The following PRR5L variants were observed in gnomAD, a reference collection of about 807,000 sequenced individuals.
PRR5L encodes the protein proline-rich protein 5-like.
Under a neutral mutation model 36.4 loss-of-function variants are expected in PRR5L, and 21 were observed. The observed-to-expected ratio is 0.58, with a 90% CI of 0.41 to 0.83. PRR5L has a LOEUF of 0.83. PRR5L is among the 40% of genes least tolerant of loss of function. The probability of loss-of-function intolerance (pLI) is 0.00; values close to 1 mark genes in which losing one functional copy is unlikely to be tolerated. For synonymous variants in PRR5L, 188 were observed against 197.0 expected (o/e 0.95, Z 0.38); for missense variants, 381 against 473.3 (o/e 0.80, Z 1.81).
intron 1 of PRR5L, among the ~76,000 whole-genome samples, chr11:36,396,514 G>A (rs909718935): frequency 2.6e-5 from 4 of 152,246 alleles, no homozygotes; most frequent in Non-Finnish European, 5.9e-5. Context: ...AGCAGAGGGA[G>A]CTGCTGTTGT....
At chr11:36,346,263 C>A (rs12288057) in intron 1 of PRR5L, among the ~76,000 whole-genome samples, 4,653 of 152,196 alleles carry the variant, frequency 0.031, 224 homozygotes, top group African/African-American at 0.11. Flanking sequence ...TATGAGCCAC[C>A]GGCCCAGCCT....
At chr11:36,340,531 T>G (rs1355254900) in intron 1 of PRR5L, among the ~76,000 whole-genome samples, 1 of 152,236 alleles carries the variant, frequency 6.6e-6, no homozygotes, top group Non-Finnish European at 1.5e-5. Flanking sequence ...GAAGAGGTAC[T>G]GTTACACTGG....
chr11:36,332,320 C>T (rs539689518), intron 1 of PRR5L, among the ~76,000 whole-genome samples: 5 of 152,294 alleles, frequency 3.3e-5, no homozygotes, highest in African/African-American at 1.2e-4. Context: ...ACCAGCAAAA[C>T]TGTAGGTTTG....
rs979340253 is a variant in PRR5L, at chr11:36,335,089, A to AT, written c.-126+38661dup. The stretch of plus-strand genomic sequence containing the variant: ...GTCTCCATCTATGTTTTGAGTGGAG[A>AT]TTTTTTTTTTCTTTTAAGACAGAGT... On this transcript the variant is annotated intron_variant, in intron 1 of 8. Coordinates refer to ENST00000530639, the MANE Select transcript of PRR5L (RefSeq NM_001160167.2). Among the ~76,000 whole-genome samples the AT allele has an allele frequency of 6.6e-3, 978 of 147,900 alleles. 11 individuals carry two copies. The highest frequency in any genetic ancestry group is 0.023 in the African/African-American group (910 of 38,834).
At chr11:36,307,506 G>T (rs952393783) in intron 1 of PRR5L, among the ~76,000 whole-genome samples, 4 of 152,136 alleles carry the variant, frequency 2.6e-5, no homozygotes, top group Admixed American at 6.5e-5. Flanking sequence ...CCACCTCTCT[G>T]CTCTGCCATC....
intron 1 of PRR5L, among the ~76,000 whole-genome samples, chr11:36,400,410 TTGGA>T (rs1364617927): frequency 1.3e-5 from 2 of 152,228 alleles, no homozygotes; most frequent in African/African-American, 4.8e-5. Context: ...TTAGAAATCT[TTGGA>T]TGTTCTGCAA....
intron 1 of PRR5L, among the ~76,000 whole-genome samples, chr11:36,368,818 T>C (rs1271459268): frequency 1.3e-5 from 2 of 152,226 alleles, no homozygotes; most frequent in Non-Finnish European, 2.9e-5. Flanking sequence ...TATGTGATGG[T>C]TTTACTATTA....
intron 1 of PRR5L, among the ~76,000 whole-genome samples, chr11:36,382,244 G>A (rs1366854915): frequency 2.6e-5 from 4 of 152,190 alleles, no homozygotes; most frequent in Non-Finnish European, 2.9e-5. Flanking sequence ...TGGTCCTAAC[G>A]GGCATCATGG....
intron 1 of PRR5L, among the ~76,000 whole-genome samples, chr11:36,383,062 G>GC (rs1857397300): frequency 6.6e-6 from 1 of 152,120 alleles, no homozygotes; most frequent in Admixed American, 6.5e-5. Context: ...GACCACACAG[G>GC]CAAGTTGCTT....
At chr11:36,387,491 G>T (rs949572662) in intron 1 of PRR5L, among the ~76,000 whole-genome samples, 3 of 152,222 alleles carry the variant, frequency 2.0e-5, no homozygotes, top group Non-Finnish European at 4.4e-5. Flanking sequence ...ATTAGATGAT[G>T]TGGTAGGTGG....
At chr11:36,366,692 G>A (rs1210117362) in intron 1 of PRR5L, among the ~76,000 whole-genome samples, 2 of 152,206 alleles carry the variant, frequency 1.3e-5, no homozygotes, top group African/African-American at 2.4e-5. Context: ...AGCTTACTTT[G>A]TATGGGATGT....
At chr11:36,419,021 G>A (rs1858208290) in intron 3 of PRR5L, among the ~76,000 whole-genome samples, 1 of 152,142 alleles carries the variant, frequency 6.6e-6, no homozygotes, top group African/African-American at 2.4e-5. Flanking sequence ...CCTTTGGCCA[G>A]CTGCCCTCTT....
intron 4 of PRR5L, among the ~76,000 whole-genome samples, chr11:36,429,058 A>G (rs1564946368): frequency 6.6e-6 from 1 of 152,064 alleles, no homozygotes; most frequent in Non-Finnish European, 1.5e-5. Context: ...TATAAAAAAG[A>G]TTTTTTTTCC....
chr11:36,351,228 T>TTA (rs1288833731), intron 1 of PRR5L, among the ~76,000 whole-genome samples: 3 of 83,486 alleles, frequency 3.6e-5, no homozygotes, highest in Non-Finnish European at 2.0e-5. Flanking sequence ...ATATATATAT[T>TTA]TATATATATT....
chr11:36,379,657 G>A (rs953036232), intron 1 of PRR5L, among the ~76,000 whole-genome samples: 4 of 152,146 alleles, frequency 2.6e-5, no homozygotes, highest in Non-Finnish European at 4.4e-5. Flanking sequence ...CAAAGAGAGC[G>A]GTACCCTGAT....
intron 3 of PRR5L, among the ~76,000 whole-genome samples, chr11:36,419,001 A>G (rs2133581963): frequency 6.6e-6 from 1 of 152,270 alleles, no homozygotes; most frequent in South Asian, 2.1e-4. Context: ...CTCTGCTAGA[A>G]TTAGGATTTC....
chr11:36,363,745 T>C (rs1475579945), intron 1 of PRR5L, among the ~76,000 whole-genome samples: 2 of 152,178 alleles, frequency 1.3e-5, no homozygotes, highest in Non-Finnish European at 2.9e-5. Context: ...GCAAGGCACT[T>C]ACTCTTCCAG....
chr11:36,316,783 G>A (rs1035570161), intron 1 of PRR5L, among the ~76,000 whole-genome samples: 2 of 152,154 alleles, frequency 1.3e-5, no homozygotes, highest in Non-Finnish European at 2.9e-5. Flanking sequence ...TTCTAATTTT[G>A]TAGCTAATTT....
At chr11:36,451,357 T>A in intron 8 of PRR5L, 22 bp downstream of exon 8, 1 of 1,613,510 alleles carries the variant, frequency 6.2e-7, no homozygotes, top group Non-Finnish European at 8.5e-7. Context: ...AGCTCTCAAG[T>A]TGTCAAGAGG....
Sources: allele counts gnomAD v4.1 joint callset (sites outside exome capture counted in the v4.1 genomes callset), GRCh38; gene constraint gnomAD v4.1.1; transcripts MANE v1.5; gene names NCBI Gene and HGNC (gene_info 2026-07-23, HGNC 2026-07-21).